The following CFAP58 variants were observed in gnomAD, a reference collection of about 807,000 sequenced individuals.
The protein encoded by CFAP58 is cilia- and flagella-associated protein 58.
Under a neutral mutation model 119.5 loss-of-function variants are expected in CFAP58, and 88 were observed. The observed-to-expected ratio is 0.74, with a 90% CI of 0.62 to 0.88. The LOEUF (loss-of-function observed/expected upper bound fraction) is 0.88. Ranked by LOEUF, CFAP58 falls within the 40% of genes least tolerant of loss-of-function variation. The pLI is 0.00. For missense variants in CFAP58, 990 were observed against 1,021.2 expected, an observed-to-expected ratio of 0.97 and a Z score of 0.42; for synonymous variants, 365 against 366.3, an observed-to-expected ratio of 1.00 and a Z score of 0.04.
intron 7 of CFAP58, among the ~76,000 whole-genome samples, chr10:104,375,229 CAAATATATATAT>C: frequency 6.7e-6 from 1 of 149,780 alleles, no homozygotes; most frequent in Non-Finnish European, 1.5e-5. Flanking sequence ...TGTGTATTTA[CAAATATATATAT>C]AAATATATGT....
the CFAP58 span, among the ~76,000 whole-genome samples, chr10:104,341,514 G>C: frequency 6.6e-6 from 1 of 151,446 alleles, no homozygotes; most frequent in Non-Finnish European, 1.5e-5. Flanking sequence ...ATAATATGTA[G>C]AAATAAAAAG....
chr10:104,406,871 T>C, intron 15 of CFAP58, 78 bp downstream of exon 15: 1 of 1,140,050 alleles, frequency 8.8e-7, no homozygotes, highest in Admixed American at 1.8e-5. Context: ...TAGAATTAGT[T>C]ATTTGGCAGC....
intron 15 of CFAP58, among the ~76,000 whole-genome samples, chr10:104,443,596 G>A (rs1434485329): frequency 6.6e-6 from 1 of 152,254 alleles, no homozygotes; most frequent in African/African-American, 2.4e-5. Flanking sequence ...CTTCGTGTAT[G>A]CGAGCTGAGG....
intron 17 of CFAP58, among the ~76,000 whole-genome samples, chr10:104,452,418 C>A (rs1213403317): frequency 6.6e-6 from 1 of 152,186 alleles, no homozygotes; most frequent in African/African-American, 2.4e-5. Context: ...TTATAAACAG[C>A]TAGCTTGGCT....
At chr10:104,366,080 C>T (rs1261174785) in intron 5 of CFAP58, 72 bp downstream of exon 5, 2 of 1,309,694 alleles carry the variant, frequency 1.5e-6, no homozygotes, top group African/African-American at 3.0e-5. Context: ...CCCTTTTGTG[C>T]ATTTTGAATT....
upstream of CFAP58, among the ~76,000 whole-genome samples, chr10:104,350,936 G>T (rs1453344397): frequency 6.6e-6 from 1 of 152,216 alleles, no homozygotes; most frequent in Admixed American, 6.5e-5. Flanking sequence ...GACATGGGAA[G>T]ACACACAGCC....
At chr10:104,412,092 T>G (rs1194309983) in intron 15 of CFAP58, among the ~76,000 whole-genome samples, 1 of 152,206 alleles carries the variant, frequency 6.6e-6, no homozygotes, top group African/African-American at 2.4e-5. Flanking sequence ...TTCTGTTTTG[T>G]GATTAAAACT....
At chr10:104,382,566 C>T (rs1022284087) in intron 9 of CFAP58, among the ~76,000 whole-genome samples, 19 of 152,232 alleles carry the variant, frequency 1.2e-4, no homozygotes, top group African/African-American at 4.3e-4. Flanking sequence ...CATGTTGATA[C>T]GGTTTAGCTC....
intron 9 of CFAP58, among the ~76,000 whole-genome samples, chr10:104,383,929 T>C (rs1352158882): frequency 6.6e-6 from 1 of 152,188 alleles, no homozygotes; most frequent in East Asian, 1.9e-4. Flanking sequence ...TTTATCTTTT[T>C]GACCCAGAAT....
intron 7 of CFAP58, among the ~76,000 whole-genome samples, chr10:104,375,126 TTAAAAG>T (rs766190560): frequency 3.4e-4 from 52 of 151,442 alleles, no homozygotes; most frequent in Non-Finnish European, 6.0e-4. Context: ...AACATAAAAA[TTAAAAG>T]TAAAAATTTT....
intron 12 of CFAP58, among the ~76,000 whole-genome samples, chr10:104,400,153 A>C (rs2012236821): frequency 6.6e-6 from 1 of 151,950 alleles, no homozygotes; most frequent in Admixed American, 6.6e-5. Flanking sequence ...TTGGACTATT[A>C]TTATTATTTT....
At chr10:104,364,125 T>C (rs547393224) in intron 3 of CFAP58, among the ~76,000 whole-genome samples, 1 of 152,328 alleles carries the variant, frequency 6.6e-6, no homozygotes, top group South Asian at 2.1e-4. Flanking sequence ...TGGGAGAAAC[T>C]AATCTTTTTG....
intron 6 of CFAP58, among the ~76,000 whole-genome samples, chr10:104,369,824 C>T (rs1262290651): frequency 2.0e-5 from 3 of 152,090 alleles, no homozygotes; most frequent in African/African-American, 2.4e-5. Flanking sequence ...AACCTTTGTT[C>T]GCAAAAGAAT....
intron 7 of CFAP58, among the ~76,000 whole-genome samples, chr10:104,374,762 T>C (rs1196564050): frequency 2.0e-5 from 3 of 151,400 alleles, no homozygotes; most frequent in East Asian, 1.9e-4. Flanking sequence ...GAAATGTCTA[T>C]TAAAAATCCC....
chr10:104,402,265 C>T (rs1016530683), intron 13 of CFAP58, among the ~76,000 whole-genome samples: 26 of 152,148 alleles, frequency 1.7e-4, no homozygotes, highest in Admixed American at 1.6e-3. Context: ...CCGTCAAATA[C>T]GGTAGCTAAT....
intron 9 of CFAP58, among the ~76,000 whole-genome samples, chr10:104,382,710 T>C (rs1233327436): frequency 6.6e-6 from 1 of 152,216 alleles, no homozygotes; most frequent in Non-Finnish European, 1.5e-5. Context: ...CTGTTGGTTT[T>C]ATAAGTGTTT....
chr10:104,341,014 A>G, the CFAP58 span, among the ~76,000 whole-genome samples: 3 of 152,148 alleles, frequency 2.0e-5, no homozygotes, highest in Admixed American at 6.5e-5. Context: ...GCCTGCCTAT[A>G]CTATGCATAG....
chr10:104,401,703 G>T (rs1452453276), intron 13 of CFAP58, among the ~76,000 whole-genome samples: 1 of 152,060 alleles, frequency 6.6e-6, no homozygotes, highest in Non-Finnish European at 1.5e-5. Context: ...TAAATGCAAT[G>T]AATATATGCA....
At chr10:104,340,148 T>C in the CFAP58 span, among the ~76,000 whole-genome samples, 50 of 152,340 alleles carry the variant, frequency 3.3e-4, no homozygotes, top group African/African-American at 1.2e-3. Context: ...CTGTCTGTTC[T>C]AAGGTCCACC....
Sources: gnomAD v4.1 joint callset for allele counts (sites outside exome capture counted in the v4.1 genomes callset) on GRCh38, gnomAD v4.1.1 for gene constraint, MANE v1.5 for transcripts, NCBI Gene and HGNC (gene_info 2026-07-23, HGNC 2026-07-21) for gene names.